Variants in DOCK10 observed in about 807,000 individuals in gnomAD.
DOCK10 encodes dedicator of cytokinesis protein 10.
In DOCK10, 145 loss-of-function variants were observed where a neutral mutation model predicts 280.1. That is an observed-to-expected ratio of 0.52 (90% CI 0.45 to 0.59). The LOEUF is 0.59. Among genes scored for constraint, DOCK10 ranks in the 20% least tolerant of loss-of-function variants. The pLI is 0.00. For missense variants in DOCK10, 2,368 were observed against 2,651.7 expected (o/e 0.89, Z 2.35); for synonymous variants, 915 against 942.2 (o/e 0.97, Z 0.53).
intron 1 of DOCK10, among the ~76,000 whole-genome samples, chr2:225,014,012 C>T (rs771189932): frequency 1.3e-5 from 2 of 150,658 alleles, no homozygotes; most frequent in Non-Finnish European, 2.9e-5. Flanking sequence ...TAGTAAACTG[C>T]TACTTAGACC....
At chr2:224,985,442 G>T (rs1357845729) in intron 1 of DOCK10, among the ~76,000 whole-genome samples, 1 of 151,500 alleles carries the variant, frequency 6.6e-6, no homozygotes, top group Non-Finnish European at 1.5e-5. Context: ...TTAAATTTGT[G>T]TACAATAAAA....
At chr2:224,912,282 T>C (rs1049945667) in intron 3 of DOCK10, among the ~76,000 whole-genome samples, 5 of 151,984 alleles carry the variant, frequency 3.3e-5, no homozygotes, top group Non-Finnish European at 4.4e-5. Context: ...ATTACACGCA[T>C]GTGCCACTAC....
intron 3 of DOCK10, 138 bp from the exon 4 acceptor site, chr2:224,896,515 C>A: frequency 1.9e-6 from 1 of 517,200 alleles, no homozygotes; most frequent in Non-Finnish European, 3.3e-6. Context: ...TCGAGGCCAA[C>A]CTGACCAATA....
intron 1 of DOCK10, among the ~76,000 whole-genome samples, chr2:225,031,355 C>A (rs1009220482): frequency 6.6e-6 from 1 of 152,188 alleles, no homozygotes; most frequent in East Asian, 1.9e-4. Flanking sequence ...GAAATAAAGT[C>A]CTCACCATGC....
intron 1 of DOCK10, among the ~76,000 whole-genome samples, chr2:224,975,606 A>G (rs1705389934): frequency 6.6e-6 from 1 of 152,234 alleles, no homozygotes; most frequent in Non-Finnish European, 1.5e-5. Flanking sequence ...CTATAGGGAT[A>G]AGAAGAGAGT....
In DOCK10 at chr2:224,919,881, G is replaced by C. The variant is rs553700370; in HGVS notation, c.244-3097C>G. Among the ~76,000 whole-genome samples, 19 of 152,248 alleles carry C rather than the reference G, an allele frequency of 1.2e-4. No homozygotes were observed. The South Asian group carries it at 1.7e-3, about 13-fold the overall frequency. On this transcript the variant is annotated intron_variant, in intron 2 of 55. Transcript: ENST00000258390. ...TCGCCCTAAAGCACAGCTGTGGACT[G>C]AGCTCCCTGGGCCACTGCACTTGCT...
chr2:224,810,468 AT>A (rs200747893), intron 31 of DOCK10, among the ~76,000 whole-genome samples: 2,318 of 151,810 alleles, frequency 0.015, 62 homozygotes, highest in African/African-American at 0.053. Context: ...TTTGAAATCT[AT>A]TTTTTTCTTT....
intron 1 of DOCK10, among the ~76,000 whole-genome samples, chr2:224,938,246 A>C (rs753010595): frequency 5.3e-5 from 8 of 152,216 alleles, no homozygotes; most frequent in Non-Finnish European, 1.0e-4. Flanking sequence ...CCTCTTCCTC[A>C]GCCAGCACTG....
intron 31 of DOCK10, among the ~76,000 whole-genome samples, chr2:224,812,599 T>A (rs555130780): frequency 6.6e-6 from 1 of 152,340 alleles, no homozygotes; most frequent in Non-Finnish European, 1.5e-5. Flanking sequence ...TTTTTGCCCA[T>A]TCAGTATGAT....
At chr2:224,908,415 TTGTGTGTGTGTGTGTGTGTG>T (rs57986119) in intron 3 of DOCK10, among the ~76,000 whole-genome samples, 2 of 141,078 alleles carry the variant, frequency 1.4e-5, no homozygotes, top group African/African-American at 5.3e-5. Flanking sequence ...TCATCATCGT[TTGTGTGTGTGTGTGTGTGTG>T]TGTGTGTGTG....
At chr2:225,035,700 A>G (rs1166949663) in intron 1 of DOCK10, among the ~76,000 whole-genome samples, 1 of 150,236 alleles carries the variant, frequency 6.7e-6, no homozygotes, top group African/African-American at 2.5e-5. Context: ...TGCCATAATA[A>G]CATAACATAG....
intron 2 of DOCK10, among the ~76,000 whole-genome samples, chr2:224,927,465 C>T (rs561289219): frequency 6.6e-6 from 1 of 152,310 alleles, no homozygotes; most frequent in South Asian, 2.1e-4. Context: ...TACAAAACCA[C>T]TTCTTGGAGG....
intron 31 of DOCK10, 99 bp from the exon 32 acceptor site, chr2:224,808,185 C>A (rs1693526553): frequency 5.6e-6 from 6 of 1,078,628 alleles, no homozygotes; most frequent in Non-Finnish European, 8.0e-6. Flanking sequence ...CTTCTTCCAC[C>A]ACTAGGAGGG....
chr2:224,806,284 A>G lies in DOCK10; in HGVS notation c.3703-47T>C, dbSNP rs771663256. 31 of 1,141,176 alleles carry G rather than the reference A, an allele frequency of 2.7e-5. No individual in the cohort carries two copies. In the South Asian group the frequency reaches 3.9e-4, roughly 14 times the overall value. 70.7% of individuals were successfully genotyped at this position (1,141,176 alleles called of 1,614,324 possible). ...GATTAATGGGAATCATGGCATTTCA[A>G]CATTGTTAACCCACATATGCCTTCT... On this transcript the variant is annotated intron_variant, in intron 33 of 55. Transcript: ENST00000258390.
intron 28 of DOCK10, among the ~76,000 whole-genome samples, chr2:224,823,116 T>C (rs1245852989): frequency 6.6e-6 from 1 of 151,384 alleles, no homozygotes; most frequent in Admixed American, 6.6e-5. Context: ...GCCTCCCAAA[T>C]AGCTAGGACT....
intron 1 of DOCK10, chr2:224,947,152 TCAGATA>T: frequency 1.1e-6 from 1 of 871,480 alleles, no homozygotes; most frequent in Non-Finnish European, 1.6e-6. Context: ...TACCAGCTGT[TCAGATA>T]CTGCTTTTGT....
At chr2:224,908,377 G>T (rs1020863680) in intron 3 of DOCK10, among the ~76,000 whole-genome samples, 3 of 138,342 alleles carry the variant, frequency 2.2e-5, no homozygotes, top group Non-Finnish European at 4.6e-5. Context: ...CGGTAGCCTA[G>T]TACTATTTGG....
At chr2:224,954,947 G>T (rs1703955849) in intron 1 of DOCK10, among the ~76,000 whole-genome samples, 1 of 152,212 alleles carries the variant, frequency 6.6e-6, no homozygotes, top group South Asian at 2.1e-4. Flanking sequence ...AGATGAGGCT[G>T]AGGAGATCTG....
intron 1 of DOCK10, among the ~76,000 whole-genome samples, chr2:224,971,868 A>G (rs1705105737): frequency 6.6e-6 from 1 of 152,298 alleles, no homozygotes; most frequent in Non-Finnish European, 1.5e-5. Flanking sequence ...GCGTGAAAAA[A>G]ACTATGAAGT....
Sources: gnomAD v4.1 joint callset for allele counts (sites outside exome capture counted in the v4.1 genomes callset) on GRCh38, gnomAD v4.1.1 for gene constraint, MANE v1.5 for transcripts, NCBI Gene and HGNC (gene_info 2026-07-23, HGNC 2026-07-21) for gene names.